Variants in CREB5 observed in about 807,000 individuals in gnomAD.
CREB5 encodes the protein cyclic AMP-responsive element-binding protein 5.
In CREB5, 19 loss-of-function variants were observed where a neutral mutation model predicts 57.1. The ratio of observed to expected loss-of-function variants is 0.33; its 90% CI spans 0.23 to 0.49. The LOEUF (loss-of-function observed/expected upper bound fraction) is 0.49, where lower values mean the gene tolerates loss of function less well. Ranked by LOEUF, CREB5 falls within the 20% of genes least tolerant of loss-of-function variation. The pLI, the probability that CREB5 is intolerant of heterozygous loss-of-function variation, is 0.99. For missense variants in CREB5, 579 were observed against 671.6 expected, an observed-to-expected ratio of 0.86 and a Z score of 1.52; for synonymous variants, 238 against 238.3, an observed-to-expected ratio of 1.00 and a Z score of 0.01.
intron 5 of CREB5, among the ~76,000 whole-genome samples, chr7:28,687,768 G>A (rs974105361): frequency 8.6e-5 from 13 of 151,652 alleles, no homozygotes; most frequent in African/African-American, 2.9e-4. Flanking sequence ...TCCTTTTTTG[G>A]GCAGAGGTGG....
intron 1 of CREB5, among the ~76,000 whole-genome samples, chr7:28,453,570 G>A (rs1236833690): frequency 6.6e-6 from 1 of 152,254 alleles, no homozygotes; most frequent in East Asian, 1.9e-4. Context: ...GCAGGTGAGT[G>A]CAAGGCACGT....
intron 5 of CREB5, among the ~76,000 whole-genome samples, chr7:28,654,818 A>G (rs1799273286): frequency 6.6e-6 from 1 of 152,208 alleles, no homozygotes; most frequent in Admixed American, 6.5e-5. Flanking sequence ...AAAGCCAGGC[A>G]TAGGAATGAT....
intron 4 of CREB5, among the ~76,000 whole-genome samples, chr7:28,552,631 CAT>C (rs1283079094): frequency 6.6e-6 from 1 of 152,222 alleles, no homozygotes. Flanking sequence ...CTTTCAGCCA[CAT>C]GTCATGTTGT....
At chr7:28,802,572 G>A (rs1808437295) in intron 7 of CREB5, among the ~76,000 whole-genome samples, 1 of 152,220 alleles carries the variant, frequency 6.6e-6, no homozygotes, top group Admixed American at 6.5e-5. Context: ...AATACTTCAT[G>A]AAGGCAATGG....
rs1179251071 is a variant in CREB5, at chr7:28,809,292, C to G, written c.1132C>G (p.Arg378Gly). ...GGTAGACGAGGATCCGGACGAGAGG[C>G]GGCGGAAATTTCTGGAACGGAACCG... ...RVVDEDPDERRRKFLERNRAA... is the reference protein window; with the variant it reads ...RVVDEDPDERGRKFLERNRAA... The change falls in exon 9 of 11, where the codon CGG (arginine) becomes GGG (glycine). Residue 378 changes from arginine to glycine, a missense_variant. Arg to Gly is a moderately radical substitution (Grantham distance 125, BLOSUM62 -2). Transcript: ENST00000357727. 2 of 1,614,146 alleles carry G rather than the reference C, an allele frequency of 1.2e-6. No homozygotes were observed. The highest frequency in any genetic ancestry group is 8.5e-7 in the Non-Finnish European group (1 of 1,180,024).
intron 5 of CREB5, among the ~76,000 whole-genome samples, chr7:28,642,162 T>A (rs1798684341): frequency 6.6e-6 from 1 of 152,180 alleles, no homozygotes; most frequent in Non-Finnish European, 1.5e-5. Context: ...TTTTTTGCTA[T>A]AAAAAAATAA....
At chr7:28,457,467 C>T (rs540540689) in intron 1 of CREB5, among the ~76,000 whole-genome samples, 28 of 152,200 alleles carry the variant, frequency 1.8e-4, no homozygotes, top group African/African-American at 6.5e-4. Flanking sequence ...AGTAGCTGAC[C>T]TGAAAACAGT....
In CREB5 at chr7:28,818,767, C is replaced by A. The variant is rs1053185530; in HGVS notation, c.1364-349C>A. On this transcript the variant is annotated intron_variant, in intron 10 of 10. Transcript: ENST00000357727. ...TTTTCAAATAATTTTTTAGATTGAG[C>A]AACACAGATTCTCCCACCACATGTG... The A allele has an allele frequency of 8.5e-6, 4 of 472,030 alleles. No homozygotes were observed. In the Admixed American group the frequency reaches 9.3e-5, roughly 11 times the overall value. 29.2% of individuals were successfully genotyped at this position (472,030 alleles called of 1,614,324 possible).
intron 5 of CREB5, among the ~76,000 whole-genome samples, chr7:28,632,996 G>C (rs1798264002): frequency 6.6e-6 from 1 of 152,180 alleles, no homozygotes; most frequent in East Asian, 1.9e-4. Flanking sequence ...TGAATAGATT[G>C]AGTGATAACA....
At chr7:28,350,523 T>C (rs1786166841) in intron 1 of CREB5, among the ~76,000 whole-genome samples, 1 of 151,806 alleles carries the variant, frequency 6.6e-6, no homozygotes, top group Non-Finnish European at 1.5e-5. Flanking sequence ...TAGTGATTGA[T>C]TCAGGGAGAG....
At chr7:28,421,612 T>C (rs1788248808) in intron 1 of CREB5, among the ~76,000 whole-genome samples, 1 of 152,036 alleles carries the variant, frequency 6.6e-6, no homozygotes, top group Non-Finnish European at 1.5e-5. Context: ...GCTAGGCACG[T>C]AACACTGCAT....
chr7:28,328,478 G>A (rs546815263), intron 1 of CREB5, among the ~76,000 whole-genome samples: 1 of 152,300 alleles, frequency 6.6e-6, no homozygotes, highest in South Asian at 2.1e-4. Flanking sequence ...ACTAAGTGCT[G>A]TGTATTTTTA....
intron 5 of CREB5, among the ~76,000 whole-genome samples, chr7:28,706,790 C>T (rs1339150595): frequency 6.6e-6 from 1 of 152,158 alleles, no homozygotes. Context: ...ACCCTTCCCC[C>T]ATACCCCCTG....
intron 1 of CREB5, among the ~76,000 whole-genome samples, chr7:28,433,895 A>C (rs28446658): frequency 0.064 from 9,673 of 151,622 alleles, 1,012 homozygotes; most frequent in African/African-American, 0.22. Flanking sequence ...TACTGTAATA[A>C]AATTTTTAAA....
chr7:28,653,584 A>G (rs896893804), intron 5 of CREB5, among the ~76,000 whole-genome samples: 1 of 152,228 alleles, frequency 6.6e-6, no homozygotes, highest in African/African-American at 2.4e-5. Flanking sequence ...CCTGTCAGGT[A>G]TAATAATTTT....
At chr7:28,467,853 G>C (rs1057026515) in intron 1 of CREB5, among the ~76,000 whole-genome samples, 3 of 152,192 alleles carry the variant, frequency 2.0e-5, no homozygotes, top group Non-Finnish European at 4.4e-5. Flanking sequence ...CCTAGGATGG[G>C]AATGGGCGTG....
At chr7:28,569,596 A>G (rs1034155720) in intron 4 of CREB5, among the ~76,000 whole-genome samples, 1 of 152,212 alleles carries the variant, frequency 6.6e-6, no homozygotes, top group East Asian at 1.9e-4. Flanking sequence ...ATTAATATAC[A>G]TCTGTGGAAT....
intron 1 of CREB5, among the ~76,000 whole-genome samples, chr7:28,441,670 A>G (rs1259872635): frequency 6.6e-6 from 1 of 152,198 alleles, no homozygotes; most frequent in Non-Finnish European, 1.5e-5. Flanking sequence ...AGTTACCATC[A>G]TGTTTAATCC....
chr7:28,708,575 G>A (rs1013406184), intron 5 of CREB5, among the ~76,000 whole-genome samples: 3 of 152,220 alleles, frequency 2.0e-5, no homozygotes, highest in Non-Finnish European at 4.4e-5. Flanking sequence ...GATAAGCAGA[G>A]GCTGCCGGGA....
Sources: gnomAD v4.1 joint callset for allele counts (sites outside exome capture counted in the v4.1 genomes callset) on GRCh38, gnomAD v4.1.1 for gene constraint, MANE v1.5 for transcripts, NCBI Gene and HGNC (gene_info 2026-07-23, HGNC 2026-07-21) for gene names.